The following GALNTL6 variants were observed in gnomAD, a reference collection of about 807,000 sequenced individuals.
GALNTL6 encodes the protein polypeptide N-acetylgalactosaminyltransferase like 6.
Under a neutral mutation model 73.7 loss-of-function variants are expected in GALNTL6, and 46 were observed. The observed-to-expected ratio is 0.62, with a 90% CI of 0.49 to 0.80. The LOEUF (loss-of-function observed/expected upper bound fraction) is 0.80. GALNTL6 is among the 30% of genes least tolerant of loss of function. GALNTL6 has a pLI of 0.00. For synonymous variants in GALNTL6, 259 were observed against 263.7 expected, an observed-to-expected ratio of 0.98 and a Z score of 0.17; for missense variants, 604 against 755.0, an observed-to-expected ratio of 0.80 and a Z score of 2.34.
At chr4:171,989,171 G>A (rs1740239817) in intron 2 of GALNTL6, among the ~76,000 whole-genome samples, 1 of 152,144 alleles carries the variant, frequency 6.6e-6, no homozygotes, top group Non-Finnish European at 1.5e-5. Flanking sequence ...AGGTAATATG[G>A]AGTGAGTAGC....
At chr4:172,453,156 C>G (rs901994248) in intron 5 of GALNTL6, among the ~76,000 whole-genome samples, 3 of 151,878 alleles carry the variant, frequency 2.0e-5, no homozygotes, top group African/African-American at 7.3e-5. Context: ...GAGCTGAGAT[C>G]CCGCCATTGC....
intron 2 of GALNTL6, among the ~76,000 whole-genome samples, chr4:171,960,625 A>T (rs1739193039): frequency 6.6e-6 from 1 of 151,452 alleles, no homozygotes; most frequent in Non-Finnish European, 1.5e-5. Context: ...CTTCTGTTTT[A>T]AAACAAATAA....
chr4:171,852,530 A>T (rs73867180), intron 2 of GALNTL6, among the ~76,000 whole-genome samples: 161 of 151,456 alleles, frequency 1.1e-3, no homozygotes, highest in African/African-American at 3.7e-3. Context: ...ATATATATAT[A>T]TATAGCTTTC....
At chr4:172,652,045 A>G (rs1560857843) in intron 5 of GALNTL6, among the ~76,000 whole-genome samples, 1 of 152,220 alleles carries the variant, frequency 6.6e-6, no homozygotes, top group Non-Finnish European at 1.5e-5. Flanking sequence ...CAGAGCTGCT[A>G]ATATGAGTCT....
intron 5 of GALNTL6, among the ~76,000 whole-genome samples, chr4:172,472,617 C>T (rs897582427): frequency 6.6e-6 from 1 of 151,958 alleles, no homozygotes; most frequent in Non-Finnish European, 1.5e-5. Flanking sequence ...GCCCTTATTC[C>T]CATATAAGGC....
intron 2 of GALNTL6, among the ~76,000 whole-genome samples, chr4:172,181,491 A>C (rs1347577966): frequency 2.0e-5 from 3 of 152,176 alleles, no homozygotes; most frequent in African/African-American, 4.8e-5. Context: ...AGCCAATATC[A>C]TACTGAAGGG....
intron 5 of GALNTL6, among the ~76,000 whole-genome samples, chr4:172,550,065 A>AT (rs1176457321): frequency 3.3e-5 from 5 of 152,010 alleles, no homozygotes; most frequent in African/African-American, 1.2e-4. Flanking sequence ...GTTTGCTTCA[A>AT]TTTTTTCTCA....
chr4:171,853,583 C>T (rs1157580057), intron 2 of GALNTL6, among the ~76,000 whole-genome samples: 2 of 92,664 alleles, frequency 2.2e-5, no homozygotes, highest in African/African-American at 3.8e-5. Flanking sequence ...TTTTTTCTCT[C>T]TTTTGTTTAG....
At chr4:172,076,632 G>A (rs1731711106) in intron 2 of GALNTL6, among the ~76,000 whole-genome samples, 1 of 152,172 alleles carries the variant, frequency 6.6e-6, no homozygotes, top group South Asian at 2.1e-4. Flanking sequence ...TTATAAACCA[G>A]TCTACAAACT....
intron 3 of GALNTL6, among the ~76,000 whole-genome samples, chr4:172,249,617 T>G (rs2111011089): frequency 6.6e-6 from 1 of 152,240 alleles, no homozygotes. Context: ...GCCCCCCTGC[T>G]CTGTGCAGTC....
At chr4:172,654,323 C>G (rs758589584) in intron 5 of GALNTL6, among the ~76,000 whole-genome samples, 1 of 152,130 alleles carries the variant, frequency 6.6e-6, no homozygotes. Context: ...TGTTCTCAAC[C>G]GAACCATTAT....
intron 5 of GALNTL6, among the ~76,000 whole-genome samples, chr4:172,783,388 TATA>T (rs1054175985): frequency 6.8e-5 from 10 of 147,522 alleles, no homozygotes; most frequent in South Asian, 2.1e-4. Flanking sequence ...ATACACTATT[TATA>T]ATAATATTAT....
intron 5 of GALNTL6, among the ~76,000 whole-genome samples, chr4:172,613,759 TA>T (rs776486565): frequency 6.6e-6 from 1 of 152,150 alleles, no homozygotes; most frequent in Non-Finnish European, 1.5e-5. Flanking sequence ...GCCCTAGCTA[TA>T]AACTTCATCT....
intron 5 of GALNTL6, among the ~76,000 whole-genome samples, chr4:172,662,895 A>G (rs931654157): frequency 6.6e-6 from 1 of 152,250 alleles, no homozygotes; most frequent in Non-Finnish European, 1.5e-5. Context: ...TGGTCAGGTC[A>G]GGAACAGCCT....
intron 7 of GALNTL6, among the ~76,000 whole-genome samples, chr4:172,840,174 G>A (rs904030972): frequency 6.6e-6 from 1 of 152,148 alleles, no homozygotes; most frequent in Non-Finnish European, 1.5e-5. Context: ...AAATTCTAAA[G>A]ATATGAAAGT....
chr4:172,930,914 C>T (rs890748569), intron 8 of GALNTL6, among the ~76,000 whole-genome samples: 8 of 152,156 alleles, frequency 5.3e-5, no homozygotes, highest in Admixed American at 3.3e-4. Flanking sequence ...ATCCTCCCTC[C>T]TTGGCCTCCC....
At chr4:172,485,916 A>G (rs1238163896) in intron 5 of GALNTL6, among the ~76,000 whole-genome samples, 1 of 152,196 alleles carries the variant, frequency 6.6e-6, no homozygotes, top group Non-Finnish European at 1.5e-5. Flanking sequence ...TCTGTTTTGC[A>G]CCAACGGGAC....
chr4:172,041,269 CT>C (rs1742080151), intron 2 of GALNTL6, among the ~76,000 whole-genome samples: 1 of 152,074 alleles, frequency 6.6e-6, no homozygotes, highest in East Asian at 1.9e-4. Context: ...GGAGTTTGCT[CT>C]TTTTCAAAGG....
At chr4:171,993,823 T>G (rs1457944780) in intron 2 of GALNTL6, among the ~76,000 whole-genome samples, 3 of 151,732 alleles carry the variant, frequency 2.0e-5, no homozygotes, top group Non-Finnish European at 4.4e-5. Flanking sequence ...TATATATATG[T>G]AATGTAAAGA....
Sources: gnomAD v4.1 joint callset for allele counts (sites outside exome capture counted in the v4.1 genomes callset) on GRCh38, gnomAD v4.1.1 for gene constraint, MANE v1.5 for transcripts, NCBI Gene and HGNC (gene_info 2026-07-23, HGNC 2026-07-21) for gene names.